AFAP1L2: variants seen among roughly 807,000 people sequenced by gnomAD.
The protein encoded by AFAP1L2 is actin filament associated protein 1 like 2, also known as actin filament-associated protein 1-like 2.
A neutral mutation model predicts 99.3 loss-of-function variants in AFAP1L2; 46 were observed. That is an observed-to-expected ratio of 0.46 (90% CI 0.37 to 0.59). AFAP1L2 has a LOEUF of 0.59. AFAP1L2 is among the 20% of genes least tolerant of loss of function. The probability of loss-of-function intolerance (pLI) is 0.00; values close to 1 mark genes in which losing one functional copy is unlikely to be tolerated. For missense variants in AFAP1L2, 959 were observed against 1,034.9 expected, an observed-to-expected ratio of 0.93 and a Z score of 1.01; for synonymous variants, 397 against 419.1, an observed-to-expected ratio of 0.95 and a Z score of 0.64.
chr10:114,288,848 T>G, the AFAP1L2 span: 1 of 1,432,462 alleles, frequency 7.0e-7, no homozygotes, highest in Middle Eastern at 2.5e-4. Flanking sequence ...TGGCTGACCT[T>G]GGTCCTACCC....
Position 114,295,866 on chromosome 10 carries a change from T to G in AFAP1L2, c.*176A>C. The G allele has an allele frequency of 6.8e-7, 1 of 1,462,874 alleles. No homozygotes were observed. Among genetic ancestry groups the G allele is most frequent in the Non-Finnish European group, 9.0e-7 (1 of 1,108,516 alleles). 90.6% of individuals were successfully genotyped at this position (1,462,874 alleles called of 1,614,324 possible). On this transcript the variant is annotated 3_prime_UTR_variant, in exon 19 of 19. Coordinates refer to ENST00000304129, the MANE Select transcript of AFAP1L2 (RefSeq NM_001001936.3). ...GCCTCCTTTTTGTTGTATTATTTCC[T>G]TTGGCTCTGAAAAGGGACAGAGCCT...
chr10:114,380,073 C>T (rs2055404344), intron 1 of AFAP1L2, among the ~76,000 whole-genome samples: 3 of 152,236 alleles, frequency 2.0e-5, no homozygotes, highest in African/African-American at 7.2e-5. Context: ...GTCAAACCCT[C>T]ACTTCCTTAC....
At chr10:114,342,976 G>A (rs1196653249) in intron 1 of AFAP1L2, among the ~76,000 whole-genome samples, 1 of 152,194 alleles carries the variant, frequency 6.6e-6, no homozygotes, top group East Asian at 1.9e-4. Context: ...GACTAAATGA[G>A]TAAATGAAAG....
the AFAP1L2 span, among the ~76,000 whole-genome samples, chr10:114,287,694 A>T: frequency 0.021 from 3,204 of 152,076 alleles, 111 homozygotes; most frequent in African/African-American, 0.065. Context: ...TGGATTTTTT[A>T]AAAAAAATAA....
intron 1 of AFAP1L2, among the ~76,000 whole-genome samples, chr10:114,396,207 C>T (rs1471197466): frequency 2.0e-5 from 3 of 152,178 alleles, no homozygotes; most frequent in Middle Eastern, 3.2e-3. Flanking sequence ...ACAGGCTGTG[C>T]TTAATAGAGA....
chr10:114,339,849 T>C (rs1047951559), intron 2 of AFAP1L2, among the ~76,000 whole-genome samples: 3 of 150,522 alleles, frequency 2.0e-5, no homozygotes, highest in Non-Finnish European at 4.4e-5. Flanking sequence ...CCCTGTCTAC[T>C]AAAAATACAC....
chr10:114,370,831 G>A (rs1054990750), intron 1 of AFAP1L2, among the ~76,000 whole-genome samples: 1 of 152,122 alleles, frequency 6.6e-6, no homozygotes, highest in Non-Finnish European at 1.5e-5. Context: ...AGCACCTTTG[G>A]TATGGTTATC....
chr10:114,326,315 G>T lies in AFAP1L2; in HGVS notation c.316-3054C>A, dbSNP rs555823959. Among the ~76,000 whole-genome samples, 6 of 152,294 alleles carry T rather than the reference G, an allele frequency of 3.9e-5. 1 individual carries two copies. The South Asian group carries it at 1.2e-3, about 32-fold the overall frequency. On this transcript the variant is annotated intron_variant, in intron 4 of 18. Coordinates refer to ENST00000304129, the MANE Select transcript of AFAP1L2 (RefSeq NM_001001936.3). ...CATTCCTGGGGGCAACTGTTTAAAG[G>T]CATTTTACTCCTCACTAGCTGCCTC...
chr10:114,364,159 T>C (rs2052867616), intron 1 of AFAP1L2, among the ~76,000 whole-genome samples: 1 of 152,214 alleles, frequency 6.6e-6, no homozygotes, highest in Non-Finnish European at 1.5e-5. Context: ...CAGTCACAGC[T>C]GTGACAACTG....
At chr10:114,363,297 G>A (rs945091) in intron 1 of AFAP1L2, 1 of 481,424 alleles carries the variant, frequency 2.1e-6, no homozygotes, top group African/African-American at 2.1e-5. Flanking sequence ...CAGAATTCAC[G>A]ACACACGCTC....
At chr10:114,327,173 A>ATATATATATATATATATAT (rs1491191152) in intron 4 of AFAP1L2, among the ~76,000 whole-genome samples, 7 of 18,696 alleles carry the variant, frequency 3.7e-4, no homozygotes, top group African/African-American at 8.0e-4. Context: ...ATATATATAT[A>ATATATATATATATATATAT]TTTTTTTTTT....
Position 114,332,617 on chromosome 10 carries a change from C to T in AFAP1L2, c.220+604G>A, listed in dbSNP as rs1015686930. ...TTAGGAATTGGAGCTTCTTAGCCTG[C>T]GTCTTCTGCAACTAGGCAGCTCTGC... On this transcript the variant is annotated intron_variant, in intron 3 of 18. Coordinates refer to ENST00000304129, the MANE Select transcript of AFAP1L2 (RefSeq NM_001001936.3). Among the ~76,000 whole-genome samples the T allele has an allele frequency of 5.3e-5, 8 of 152,352 alleles. No individual in the cohort carries two copies. The East Asian group carries it at 9.6e-4, about 18-fold the overall frequency.
intron 1 of AFAP1L2, among the ~76,000 whole-genome samples, chr10:114,347,871 C>T (rs1250722356): frequency 3.3e-5 from 5 of 152,172 alleles, no homozygotes; most frequent in African/African-American, 9.7e-5. Context: ...GTTTACAATT[C>T]AGTGGTGTTA....
At chr10:114,310,072 C>A (rs1161303163) in intron 8 of AFAP1L2, among the ~76,000 whole-genome samples, 1 of 152,106 alleles carries the variant, frequency 6.6e-6, no homozygotes, top group Admixed American at 6.6e-5. Flanking sequence ...GGATTACAGG[C>A]GCCCACCACC....
At chr10:114,306,752 C>T (rs1407053671) in intron 10 of AFAP1L2, among the ~76,000 whole-genome samples, 3 of 152,076 alleles carry the variant, frequency 2.0e-5, no homozygotes, top group Admixed American at 1.3e-4. Context: ...TCTCTCAGCC[C>T]TCCCCTAGCC....
chr10:114,291,300 C>T, downstream of AFAP1L2: 1 of 1,510,968 alleles, frequency 6.6e-7, no homozygotes, highest in South Asian at 1.3e-5. Flanking sequence ...CAGAGAAGGC[C>T]TGGGCACTGA....
chr10:114,365,085 G>A (rs1368882029), intron 1 of AFAP1L2, among the ~76,000 whole-genome samples: 1 of 152,218 alleles, frequency 6.6e-6, no homozygotes, highest in Non-Finnish European at 1.5e-5. Flanking sequence ...TGGCACCCCT[G>A]TGCACCGTGC....
chr10:114,378,275 G>A (rs646668), intron 1 of AFAP1L2, among the ~76,000 whole-genome samples: 73,400 of 152,080 alleles, frequency 0.48, 18,348 homozygotes, highest in African/African-American at 0.62. Flanking sequence ...TTTTCAGTCA[G>A]TCAGGGGCAA....
chr10:114,403,703 G>A (rs1278541501), intron 1 of AFAP1L2, among the ~76,000 whole-genome samples: 1 of 152,152 alleles, frequency 6.6e-6, no homozygotes, highest in African/African-American at 2.4e-5. Flanking sequence ...CGGCGCACCC[G>A]GGACGGCCCG....
Sources: allele counts gnomAD v4.1 joint callset (sites outside exome capture counted in the v4.1 genomes callset), GRCh38; gene constraint gnomAD v4.1.1; transcripts MANE v1.5; gene names NCBI Gene and HGNC (gene_info 2026-07-23, HGNC 2026-07-21).